STXBP5: variants seen among roughly 807,000 people sequenced by gnomAD.
The protein encoded by STXBP5 is syntaxin-binding protein 5.
In STXBP5, 50 loss-of-function variants were observed where a neutral mutation model predicts 152.4. The ratio of observed to expected loss-of-function variants is 0.33; its 90% CI spans 0.26 to 0.42. The LOEUF is 0.42. STXBP5 is among the 10% of genes least tolerant of loss of function. The pLI is 1.00. For missense variants in STXBP5, 1,167 were observed against 1,388.6 expected (o/e 0.84, Z 2.54); for synonymous variants, 492 against 494.7 (o/e 0.99, Z 0.07).
chr6:147,304,556 A>C (rs1475459999), intron 9 of STXBP5, among the ~76,000 whole-genome samples: 1 of 151,994 alleles, frequency 6.6e-6, no homozygotes, highest in Non-Finnish European at 1.5e-5. Context: ...TGCCTAGTAG[A>C]GCTGTGAGAA....
At chr6:147,244,803 C>T (rs1406260847) in intron 4 of STXBP5, among the ~76,000 whole-genome samples, 1 of 151,978 alleles carries the variant, frequency 6.6e-6, no homozygotes, top group Non-Finnish European at 1.5e-5. Flanking sequence ...ATTTTCTGCC[C>T]TCCTTTTTTG....
At position 147,316,327 on chromosome 6, in the gene STXBP5, T is replaced by G; in HGVS notation, c.1722T>G (p.Pro574=). ...PLPTPVGGSN[P]QPIPPQSHPS... is the part of the protein sequence containing the mutation. Reference sequence around the variant, plus strand: ...CAACACCCGTGGGAGGGTCCAACCCTCAGCCCATCCCTCCTCAGTCTCATC... The same window carrying G: ...CAACACCCGTGGGAGGGTCCAACCCGCAGCCCATCCCTCCTCAGTCTCATC... Residue 574 remains proline (P), a synonymous_variant, in exon 16 of 28, where the codon CCT becomes CCG. Transcript: ENST00000321680. 5.0e-6 allele frequency: 8 copies of G among 1,612,890 alleles called. No individual in the cohort carries two copies. Among genetic ancestry groups the G allele is most frequent in the Non-Finnish European group, 6.8e-6 (8 of 1,179,518 alleles).
chr6:147,246,844 A>G (rs1343211452), intron 4 of STXBP5, among the ~76,000 whole-genome samples: 3 of 152,206 alleles, frequency 2.0e-5, no homozygotes, highest in African/African-American at 7.2e-5. Flanking sequence ...AATGAAGTTA[A>G]TCTGTTCAGA....
At chr6:147,211,828 G>A (rs1366951095) in intron 2 of STXBP5, among the ~76,000 whole-genome samples, 1 of 152,102 alleles carries the variant, frequency 6.6e-6, no homozygotes, top group African/African-American at 2.4e-5. Flanking sequence ...CTCCCAAAAC[G>A]CTGAGATTAC....
chr6:147,270,396 CAAA>C (rs71031020), intron 7 of STXBP5, among the ~76,000 whole-genome samples: 5 of 90,194 alleles, frequency 5.5e-5, no homozygotes, highest in Non-Finnish European at 6.7e-5. Flanking sequence ...GAGACTCTGT[CAAA>C]AAAAAAAAAA....
intron 23 of STXBP5, among the ~76,000 whole-genome samples, chr6:147,360,363 C>G (rs1383464043): frequency 6.6e-6 from 1 of 152,160 alleles, no homozygotes; most frequent in Non-Finnish European, 1.5e-5. Context: ...TTTATAGCGG[C>G]ACTATTCACA....
intron 17 of STXBP5, among the ~76,000 whole-genome samples, chr6:147,325,370 C>A (rs535187207): frequency 6.6e-6 from 1 of 151,988 alleles, no homozygotes; most frequent in Non-Finnish European, 1.5e-5. Context: ...TAAATATACT[C>A]CCAGAAATAA....
intron 9 of STXBP5, among the ~76,000 whole-genome samples, chr6:147,296,502 A>G (rs1167321396): frequency 1.3e-5 from 2 of 152,086 alleles, no homozygotes; most frequent in African/African-American, 2.4e-5. Flanking sequence ...CTAAAAAGCT[A>G]CTCCATAAAA....
At chr6:147,300,206 T>C (rs746952104) in intron 9 of STXBP5, among the ~76,000 whole-genome samples, 9 of 152,062 alleles carry the variant, frequency 5.9e-5, no homozygotes, top group Non-Finnish European at 1.0e-4. Context: ...AGAATTAATA[T>C]TGTTAAAATG....
intron 2 of STXBP5, 104 bp downstream of exon 2, chr6:147,206,172 G>T: frequency 1.1e-6 from 1 of 925,144 alleles, no homozygotes. Context: ...CTGTTGGTGT[G>T]ATTAGATATA....
At chr6:147,281,850 T>A (rs924942550) in intron 8 of STXBP5, among the ~76,000 whole-genome samples, 1 of 152,214 alleles carries the variant, frequency 6.6e-6, no homozygotes, top group Non-Finnish European at 1.5e-5. Context: ...AGAAGAGTTG[T>A]AGTTAAGCAC....
intron 25 of STXBP5, among the ~76,000 whole-genome samples, chr6:147,367,877 T>C (rs906795786): frequency 2.6e-5 from 4 of 152,068 alleles, no homozygotes; most frequent in African/African-American, 9.7e-5. Flanking sequence ...AAAGTGAATA[T>C]TATGAACAAG....
intron 21 of STXBP5, among the ~76,000 whole-genome samples, chr6:147,341,674 G>A (rs1439197094): frequency 6.6e-6 from 1 of 151,624 alleles, no homozygotes; most frequent in African/African-American, 2.4e-5. Context: ...TGTGTGTGTG[G>A]GTGTGTGTGG....
At chr6:147,369,229 C>T (rs1259052385) in intron 25 of STXBP5, among the ~76,000 whole-genome samples, 1 of 151,866 alleles carries the variant, frequency 6.6e-6, no homozygotes, top group Non-Finnish European at 1.5e-5. Context: ...AAAGGATTGC[C>T]TTTTCAACAA....
intron 3 of STXBP5, among the ~76,000 whole-genome samples, chr6:147,235,845 G>A (rs944001548): frequency 6.6e-6 from 1 of 152,108 alleles, no homozygotes; most frequent in African/African-American, 2.4e-5. Context: ...AGAGAAAACA[G>A]CATTTTATCG....
chr6:147,376,131 A>G (rs931830106), intron 26 of STXBP5, among the ~76,000 whole-genome samples: 1 of 152,224 alleles, frequency 6.6e-6, no homozygotes, highest in Admixed American at 6.5e-5. Context: ...ATAAAGGTGT[A>G]TGGCATGTGT....
At chr6:147,363,860 T>A in intron 24 of STXBP5, 141 bp from the exon 25 acceptor site, 1 of 1,370,360 alleles carries the variant, frequency 7.3e-7, no homozygotes, top group East Asian at 2.4e-5. Context: ...ATATGAGGAG[T>A]ATAAACCATT....
intron 25 of STXBP5, among the ~76,000 whole-genome samples, chr6:147,368,103 GT>G (rs1223057824): frequency 6.6e-6 from 1 of 152,048 alleles, no homozygotes; most frequent in African/African-American, 2.4e-5. Flanking sequence ...AATAACACCG[GT>G]TCACAAACTT....
rs1782541998 is a variant in STXBP5 at position 147,314,487 on chromosome 6, A to T, written c.1362-109A>T. 4 of 1,358,224 alleles carry T rather than the reference A, an allele frequency of 2.9e-6. No homozygotes were observed. The African/African-American group carries it at 5.9e-5, about 20-fold the overall frequency. 84.1% of individuals were successfully genotyped at this position (1,358,224 alleles called of 1,614,324 possible). On this transcript the variant is annotated intron_variant, in intron 13 of 27. Transcript: ENST00000321680. ...CTTAAGAACCTGCCAGTTTACCCTGATTTTTTTTACCTTTTTACTCATTTT... is the reference window on the plus strand; with the variant it reads ...CTTAAGAACCTGCCAGTTTACCCTGTTTTTTTTTACCTTTTTACTCATTTT...
Sources: gnomAD v4.1 joint callset for allele counts (sites outside exome capture counted in the v4.1 genomes callset) on GRCh38, gnomAD v4.1.1 for gene constraint, MANE v1.5 for transcripts, NCBI Gene and HGNC (gene_info 2026-07-23, HGNC 2026-07-21) for gene names.